The following ANKRD33B variants were observed in gnomAD, a reference collection of about 807,000 sequenced individuals.
ANKRD33B encodes the protein ankyrin repeat domain-containing protein 33B.
Under a neutral mutation model 21.5 loss-of-function variants are expected in ANKRD33B, and 6 were observed. The ratio of observed to expected loss-of-function variants is 0.28; its 90% CI spans 0.15 to 0.55. ANKRD33B has a LOEUF of 0.55. Ranked by LOEUF, ANKRD33B falls within the 20% of genes least tolerant of loss-of-function variation. The probability of loss-of-function intolerance (pLI) is 0.94; values close to 1 mark genes in which losing one functional copy is unlikely to be tolerated. For synonymous variants in ANKRD33B, 347 were observed against 342.4 expected, an observed-to-expected ratio of 1.01 and a Z score of -0.15; for missense variants, 698 against 747.2, an observed-to-expected ratio of 0.93 and a Z score of 0.77.
intron 1 of ANKRD33B, among the ~76,000 whole-genome samples, chr5:10,593,549 C>T (rs1735743547): frequency 1.3e-5 from 2 of 152,084 alleles, no homozygotes; most frequent in Admixed American, 1.3e-4. Context: ...CCCTACCCTG[C>T]TCATCCCAAC....
chr5:10,631,257 A>G (rs924465071), intron 2 of ANKRD33B, among the ~76,000 whole-genome samples: 4 of 152,126 alleles, frequency 2.6e-5, no homozygotes, highest in African/African-American at 9.7e-5. Context: ...ACTGTGGGGT[A>G]TTGCTTTCTG....
At chr5:10,583,092 G>T (rs1735479064) in intron 1 of ANKRD33B, among the ~76,000 whole-genome samples, 1 of 151,760 alleles carries the variant, frequency 6.6e-6, no homozygotes, top group Non-Finnish European at 1.5e-5. Flanking sequence ...CACCTCCAGG[G>T]TTCAAGTAAC....
chr5:10,622,720 G>C (rs1052874523), intron 2 of ANKRD33B, among the ~76,000 whole-genome samples: 11 of 151,816 alleles, frequency 7.2e-5, no homozygotes, highest in Non-Finnish European at 1.6e-4. Context: ...ATGCTGCCCT[G>C]AAACCTGTAG....
intron 2 of ANKRD33B, among the ~76,000 whole-genome samples, chr5:10,621,777 G>A (rs1736427668): frequency 6.6e-6 from 1 of 152,196 alleles, no homozygotes; most frequent in South Asian, 2.1e-4. Flanking sequence ...TTTTCTATAA[G>A]GTGATGTTAT....
chr5:10,570,508 CTTGG>C (rs1169261508), intron 1 of ANKRD33B, among the ~76,000 whole-genome samples: 1 of 151,144 alleles, frequency 6.6e-6, no homozygotes, highest in Non-Finnish European at 1.5e-5. Flanking sequence ...GATGCTTCAG[CTTGG>C]CTGAAGCATC....
chr5:10,640,017 CGCGGCGATGTTAGCGGGTG>C lies in ANKRD33B; in HGVS notation c.637+1850_637+1868del. 2.3e-5 allele frequency among the ~76,000 whole-genome samples: 2 copies of C among 85,732 alleles called. 1 individual carries two copies. Among genetic ancestry groups the C allele is most frequent in the Non-Finnish European group, 5.2e-5 (2 of 38,172 alleles). The allele number at this position is 85,732 out of a possible 152,430, so 56.2% of individuals were successfully genotyped here. On this transcript the variant is annotated intron_variant, in intron 3 of 3. Transcript: ENST00000296657. ...GATGTTAGCGGGTGACGTGGAGTTG[CGCGGCGATGTTAGCGGGTG>C]ACGTGGAGTTGCACGGTGATGTTAG...
chr5:10,607,889 C>T (rs566948291), intron 1 of ANKRD33B, among the ~76,000 whole-genome samples: 1 of 152,128 alleles, frequency 6.6e-6, no homozygotes. Context: ...TTCCTTTAGC[C>T]CTCTCTAGGA....
In ANKRD33B at chr5:10,619,493, G is replaced by A. The variant is rs1397188960; in HGVS notation, c.496+1031G>A. 1 of 550,168 alleles carries A rather than the reference G, an allele frequency of 1.8e-6. No homozygotes were observed. Among genetic ancestry groups the A allele is most frequent in the Non-Finnish European group, 2.3e-6 (1 of 432,402 alleles). 34.1% of individuals were successfully genotyped at this position (550,168 alleles called of 1,614,324 possible). ...GCCACCCTGGGTGGATCTGATGGGTGGGGGGCCAGGGAGGCTGGAAAACCA... is the reference window on the plus strand; with the variant it reads ...GCCACCCTGGGTGGATCTGATGGGTAGGGGGCCAGGGAGGCTGGAAAACCA... On this transcript the variant is annotated intron_variant, in intron 2 of 3. Coordinates refer to ENST00000296657, the MANE Select transcript of ANKRD33B (RefSeq NM_001164440.2). The surrounding 1 kb of genome is among the most constrained non-coding windows in gnomAD (Gnocchi z 4.5).
chr5:10,612,462 C>A (rs1736192901), intron 1 of ANKRD33B, among the ~76,000 whole-genome samples: 1 of 152,206 alleles, frequency 6.6e-6, no homozygotes, highest in South Asian at 2.1e-4. Context: ...TCTCCTAATA[C>A]CATCACCGTG....
chr5:10,577,130 CTT>C, intron 1 of ANKRD33B, among the ~76,000 whole-genome samples: 1 of 151,620 alleles, frequency 6.6e-6, no homozygotes, highest in South Asian at 2.1e-4. Flanking sequence ...TCCCCTTCCC[CTT>C]TTCTTTTCTT....
chr5:10,650,162 C>A lies in ANKRD33B; in HGVS notation c.*49C>A. 1.4e-6 allele frequency: 2 copies of A among 1,415,746 alleles called. No individual in the cohort carries two copies. Among genetic ancestry groups the A allele is most frequent in the Non-Finnish European group, 1.8e-6 (2 of 1,091,272 alleles). 87.7% of individuals were successfully genotyped at this position (1,415,746 alleles called of 1,614,324 possible). A position where few individuals can be genotyped will look rare whatever the true frequency, so the allele number is the denominator to read the frequency against. On this transcript the variant is annotated 3_prime_UTR_variant, in exon 4 of 4. Transcript: ENST00000296657. ...GCCGGGGCTGGGGCCGGGGCGGGGCCGCAGGGCTGGGCGCGGAGAAGGAGG... is the reference window on the plus strand; with the variant it reads ...GCCGGGGCTGGGGCCGGGGCGGGGCAGCAGGGCTGGGCGCGGAGAAGGAGG...
At chr5:10,624,699 T>C (rs1426082984) in intron 2 of ANKRD33B, 2 of 452,690 alleles carry the variant, frequency 4.4e-6, no homozygotes, top group South Asian at 3.1e-5. Flanking sequence ...GAAGAGATTT[T>C]CCCTAATTTC....
At chr5:10,645,685 T>C (rs918896315) in intron 3 of ANKRD33B, among the ~76,000 whole-genome samples, 2 of 152,168 alleles carry the variant, frequency 1.3e-5, no homozygotes, top group African/African-American at 2.4e-5. Flanking sequence ...TCCACGAGAA[T>C]CACCCAATAT....
At chr5:10,570,171 C>T (rs1183485746) in intron 1 of ANKRD33B, among the ~76,000 whole-genome samples, 3 of 152,128 alleles carry the variant, frequency 2.0e-5, no homozygotes, top group African/African-American at 7.2e-5. Context: ...GCCACTGCAC[C>T]CAGCCCCCAT....
intron 1 of ANKRD33B, among the ~76,000 whole-genome samples, chr5:10,605,934 T>C (rs916507754): frequency 2.0e-5 from 3 of 152,236 alleles, no homozygotes; most frequent in Non-Finnish European, 4.4e-5. Context: ...TTCAGAAAGA[T>C]TAAGTGAATC....
At chr5:10,648,497 C>T (rs972035103) in intron 3 of ANKRD33B, among the ~76,000 whole-genome samples, 10 of 152,262 alleles carry the variant, frequency 6.6e-5, no homozygotes, top group Non-Finnish European at 1.0e-4. Flanking sequence ...CAGTGGCTCA[C>T]GCCTGTAATC....
chr5:10,648,250 T>A (rs768448442), intron 3 of ANKRD33B, among the ~76,000 whole-genome samples: 2 of 152,150 alleles, frequency 1.3e-5, no homozygotes, highest in Non-Finnish European at 2.9e-5. Flanking sequence ...TAGGCCGCAG[T>A]GGGAGAAGCG....
At chr5:10,567,530 A>T (rs1735088707) in intron 1 of ANKRD33B, among the ~76,000 whole-genome samples, 1 of 152,170 alleles carries the variant, frequency 6.6e-6, no homozygotes, top group Non-Finnish European at 1.5e-5. Flanking sequence ...GGTCTCCCCG[A>T]CGGCAGTGTG....
At chr5:10,617,690 C>T (rs932041151) in intron 1 of ANKRD33B, among the ~76,000 whole-genome samples, 4 of 152,190 alleles carry the variant, frequency 2.6e-5, no homozygotes. Flanking sequence ...GTCCCCAGGC[C>T]CCTGTCCACG....
Sources: gnomAD v4.1 joint callset for allele counts (sites outside exome capture counted in the v4.1 genomes callset) on GRCh38, gnomAD v4.1.1 for gene constraint, Gnocchi (gnomAD v3.1) non-coding constraint, MANE v1.5 for transcripts, NCBI Gene and HGNC (gene_info 2026-07-23, HGNC 2026-07-21) for gene names.